Variants in ENTPD1 observed in about 807,000 individuals in gnomAD.
ENTPD1 encodes the protein ATP diphosphohydrolase.
Under a neutral mutation model 57.0 loss-of-function variants are expected in ENTPD1, and 33 were observed. That is an observed-to-expected ratio of 0.58 (90% confidence interval 0.44 to 0.77). The LOEUF (loss-of-function observed/expected upper bound fraction) is 0.77. Among genes scored for constraint, ENTPD1 ranks in the 30% least tolerant of loss-of-function variants. ENTPD1 has a pLI of 0.00. For missense variants in ENTPD1, 501 were observed against 603.4 expected, an observed-to-expected ratio of 0.83 and a Z score of 1.78; for synonymous variants, 202 against 218.8, an observed-to-expected ratio of 0.92 and a Z score of 0.68.
At chr10:95,735,064 C>T (rs1464417187) in intron 1 of ENTPD1, among the ~76,000 whole-genome samples, 1 of 130,598 alleles carries the variant, frequency 7.7e-6, no homozygotes, top group African/African-American at 2.9e-5. Flanking sequence ...GAGTCTTGCT[C>T]TGTCTTGCCC....
intron 1 of ENTPD1, among the ~76,000 whole-genome samples, chr10:95,743,275 C>G (rs1302246615): frequency 6.6e-6 from 1 of 152,150 alleles, no homozygotes; most frequent in African/African-American, 2.4e-5. Flanking sequence ...GGAGGAAGAC[C>G]ACAGAGTGCC....
intron 1 of ENTPD1, among the ~76,000 whole-genome samples, chr10:95,723,784 C>T (rs535837102): frequency 3.4e-4 from 52 of 152,202 alleles, no homozygotes; most frequent in Middle Eastern, 3.4e-3. Flanking sequence ...AGTTGGCCCT[C>T]GGCTTCCCCA....
intron 2 of ENTPD1, among the ~76,000 whole-genome samples, chr10:95,825,302 G>A (rs1377189076): frequency 6.6e-6 from 1 of 152,164 alleles, no homozygotes; most frequent in African/African-American, 2.4e-5. Flanking sequence ...TAACTCTGAA[G>A]TCATTCAAAA....
chr10:95,736,792 C>T (rs912784140), intron 1 of ENTPD1, among the ~76,000 whole-genome samples: 2 of 152,152 alleles, frequency 1.3e-5, no homozygotes, highest in Admixed American at 6.5e-5. Context: ...CACCCCCCAA[C>T]CCTTAACTAA....
intron 7 of ENTPD1, among the ~76,000 whole-genome samples, chr10:95,860,153 TA>T (rs1223394660): frequency 6.6e-6 from 1 of 152,200 alleles, no homozygotes; most frequent in Non-Finnish European, 1.5e-5. Context: ...ATGTAGTACA[TA>T]GTATTTTTAA....
chr10:95,719,271 A>C (rs745939804), intron 1 of ENTPD1, among the ~76,000 whole-genome samples: 4 of 152,192 alleles, frequency 2.6e-5, no homozygotes, highest in Non-Finnish European at 5.9e-5. Flanking sequence ...CATATAAAGA[A>C]AAGTCTCGCT....
In ENTPD1 at chr10:95,735,590, A is replaced by G. The variant is rs938118926; in HGVS notation, c.37+23597A>G. On this transcript the variant is annotated intron_variant, in intron 1 of 9. Coordinates refer to the ENTPD1 transcript ENST00000453258. ...ATTTAATACAATTATTTATTTATTT[A>G]TTTGTTTGTTTGTTTGTTTATATGA... 2.6e-5 allele frequency among the ~76,000 whole-genome samples: 4 copies of G among 152,168 alleles called. No homozygotes were observed. The East Asian group carries it at 5.8e-4, about 22-fold the overall frequency.
chr10:95,754,966 T>C (rs1429623492), upstream of ENTPD1: 1 of 152,230 alleles, frequency 6.6e-6, no homozygotes, highest in Non-Finnish European at 1.5e-5. Context: ...GTCAAAACAG[T>C]CCTTCGGGCT....
At chr10:95,795,185 G>T (rs1035491110) in intron 1 of ENTPD1, among the ~76,000 whole-genome samples, 7 of 152,074 alleles carry the variant, frequency 4.6e-5, no homozygotes, top group Non-Finnish European at 7.4e-5. Context: ...GATGGAGAGG[G>T]TTACATGGCA....
rs2098480720 is a variant in ENTPD1 at position 95,871,757 on chromosome 10, A to G, written c.*5374A>G. On this transcript the variant is annotated 3_prime_UTR_variant, in exon 10 of 10. Coordinates refer to ENST00000371205, the MANE Select transcript of ENTPD1 (RefSeq NM_001776.6). The stretch of plus-strand genomic sequence containing the variant: ...TGATGATCACCCTCATCAGCACTAG[A>G]GTTGACTTGTTTTTATAACCCCTTT... 4.1e-6 allele frequency: 4 copies of G among 985,330 alleles called. No individual in the cohort carries two copies. In the South Asian group the frequency reaches 1.9e-4, roughly 46 times the overall value. 61.0% of individuals were successfully genotyped at this position (985,330 alleles called of 1,614,324 possible). A position where few individuals can be genotyped will look rare whatever the true frequency, so the allele number is the denominator to read the frequency against.
At chr10:95,704,876 A>G in the ENTPD1 span, among the ~76,000 whole-genome samples, 1 of 151,206 alleles carries the variant, frequency 6.6e-6, no homozygotes, top group Non-Finnish European at 1.5e-5. Flanking sequence ...ATATATATGT[A>G]TATATATGTA....
At chr10:95,758,979 A>G (rs963920288) in intron 1 of ENTPD1, among the ~76,000 whole-genome samples, 1 of 152,186 alleles carries the variant, frequency 6.6e-6, no homozygotes, top group Non-Finnish European at 1.5e-5. Flanking sequence ...CAGGTTCTTG[A>G]ATTTGGTGTT....
At chr10:95,799,582 T>C (rs773506324) in intron 1 of ENTPD1, among the ~76,000 whole-genome samples, 1 of 152,194 alleles carries the variant, frequency 6.6e-6, no homozygotes, top group Non-Finnish European at 1.5e-5. Context: ...TCTCTGCTAT[T>C]GTGAATAGTG....
At chr10:95,722,550 A>G (rs564415551) in intron 1 of ENTPD1, among the ~76,000 whole-genome samples, 1 of 152,156 alleles carries the variant, frequency 6.6e-6, no homozygotes, top group African/African-American at 2.4e-5. Flanking sequence ...GCAAGAACAA[A>G]AAACCAAACA....
At chr10:95,846,459 T>C (rs1314176371) in intron 6 of ENTPD1, 1 of 152,208 alleles carries the variant, frequency 6.6e-6, no homozygotes, top group Non-Finnish European at 1.5e-5. Flanking sequence ...AGGCACACCC[T>C]GACAAGCAAA....
chr10:95,798,799 C>T (rs192500540), intron 1 of ENTPD1, among the ~76,000 whole-genome samples: 1 of 152,268 alleles, frequency 6.6e-6, no homozygotes, highest in African/African-American at 2.4e-5. Context: ...ACACATTTTC[C>T]TTCACTCAGA....
chr10:95,843,871 T>C (rs2098427655), intron 4 of ENTPD1, among the ~76,000 whole-genome samples: 1 of 152,178 alleles, frequency 6.6e-6, no homozygotes, highest in Non-Finnish European at 1.5e-5. Context: ...TTGGAAGCAA[T>C]TGCATCCCAT....
At chr10:95,744,358 G>A (rs1198628023) in intron 1 of ENTPD1, among the ~76,000 whole-genome samples, 2 of 152,036 alleles carry the variant, frequency 1.3e-5, no homozygotes, top group African/African-American at 4.8e-5. Flanking sequence ...ACTTGGGGCC[G>A]AGAGTGGGGA....
At chr10:95,721,401 C>G (rs561915840) in intron 1 of ENTPD1, among the ~76,000 whole-genome samples, 1 of 152,268 alleles carries the variant, frequency 6.6e-6, no homozygotes, top group African/African-American at 2.4e-5. Context: ...GACTGAGATA[C>G]CAGAGATCGC....
Sources: gnomAD v4.1 joint callset for allele counts (sites outside exome capture counted in the v4.1 genomes callset) on GRCh38, gnomAD v4.1.1 for gene constraint, MANE v1.5 for transcripts, NCBI Gene and HGNC (gene_info 2026-07-23, HGNC 2026-07-21) for gene names.